The following LRMDA variants were observed in gnomAD, a reference collection of about 807,000 sequenced individuals.
LRMDA encodes the protein leucine-rich melanocyte differentiation-associated protein.
In LRMDA, 18 loss-of-function variants were observed where a neutral mutation model predicts 29.8. That is an observed-to-expected ratio of 0.60 (90% CI 0.42 to 0.90). The LOEUF is 0.90. LRMDA is among the 40% of genes least tolerant of loss of function. The probability of loss-of-function intolerance (pLI) is 0.00; values close to 1 mark genes in which losing one functional copy is unlikely to be tolerated. For synonymous variants in LRMDA, 125 were observed against 109.4 expected (o/e 1.14, Z -0.89); for missense variants, 273 against 273.9 (o/e 1.00, Z 0.02).
chr10:76,020,076 AGT>A lies in LRMDA; in HGVS notation c.132-15929_132-15928del, dbSNP rs1482228126. On this transcript the variant is annotated intron_variant, in intron 2 of 6. Transcript: ENST00000611255. ...GAGTTCAGCCCACTGACCCCTGAGT[AGT>A]GTTTTCCTGGATGCTGCATCAAACA... 3.9e-5 allele frequency among the ~76,000 whole-genome samples: 6 copies of A among 152,308 alleles called. No individual in the cohort carries two copies. The East Asian group carries it at 7.7e-4, about 20-fold the overall frequency.
At chr10:75,577,234 G>A (rs946887836) in intron 2 of LRMDA, among the ~76,000 whole-genome samples, 4 of 152,164 alleles carry the variant, frequency 2.6e-5, no homozygotes, top group East Asian at 1.9e-4. Flanking sequence ...CGAGAACTTC[G>A]TGAAGCATAC....
chr10:76,229,006 A>G (rs896970379), intron 5 of LRMDA, among the ~76,000 whole-genome samples: 1 of 152,228 alleles, frequency 6.6e-6, no homozygotes, highest in East Asian at 1.9e-4. Flanking sequence ...AATTTTTCTC[A>G]CTGATACAGT....
At chr10:76,476,735 G>T (rs534892407) in intron 6 of LRMDA, among the ~76,000 whole-genome samples, 2 of 152,188 alleles carry the variant, frequency 1.3e-5, no homozygotes, top group East Asian at 1.9e-4. Flanking sequence ...GGGATGCAAG[G>T]CTGGTTCAAC....
intron 2 of LRMDA, among the ~76,000 whole-genome samples, chr10:75,573,036 G>T (rs1360137378): frequency 6.6e-6 from 1 of 152,194 alleles, no homozygotes; most frequent in Non-Finnish European, 1.5e-5. Flanking sequence ...TGGACTTCTA[G>T]CTTCCAGAAC....
At chr10:76,515,769 G>A (rs1016854409) in intron 6 of LRMDA, among the ~76,000 whole-genome samples, 1 of 152,146 alleles carries the variant, frequency 6.6e-6, no homozygotes, top group Non-Finnish European at 1.5e-5. Context: ...CTCCCAAAGT[G>A]TTGGGATTTC....
intron 5 of LRMDA, among the ~76,000 whole-genome samples, chr10:76,251,796 G>C (rs937588583): frequency 3.3e-5 from 5 of 152,338 alleles, no homozygotes; most frequent in African/African-American, 1.2e-4. Flanking sequence ...GTTAAGGCAA[G>C]GGTAACAAGA....
intron 5 of LRMDA, among the ~76,000 whole-genome samples, chr10:76,228,627 C>CA (rs1053883635): frequency 2.0e-5 from 3 of 152,110 alleles, no homozygotes; most frequent in Non-Finnish European, 4.4e-5. Context: ...GGTGGGGCCA[C>CA]AGGAGTGGGG....
intron 5 of LRMDA, among the ~76,000 whole-genome samples, chr10:76,214,146 AT>A (rs928824973): frequency 2.7e-4 from 41 of 152,156 alleles, no homozygotes; most frequent in African/African-American, 9.6e-4. Flanking sequence ...ACAGCATAAT[AT>A]AGCACAAAAG....
At chr10:76,019,724 A>G (rs1178048393) in intron 2 of LRMDA, among the ~76,000 whole-genome samples, 3 of 152,134 alleles carry the variant, frequency 2.0e-5, no homozygotes, top group Non-Finnish European at 2.9e-5. Flanking sequence ...TGTTGTGTCT[A>G]TAATTGGTGC....
chr10:76,519,701 T>C (rs1843099544), intron 6 of LRMDA, among the ~76,000 whole-genome samples: 1 of 152,176 alleles, frequency 6.6e-6, no homozygotes, highest in Non-Finnish European at 1.5e-5. Context: ...CGTACTACCA[T>C]TTTAAAAAAT....
chr10:75,465,878 A>T (rs140542192), intron 2 of LRMDA, among the ~76,000 whole-genome samples: 20 of 152,362 alleles, frequency 1.3e-4, no homozygotes, highest in African/African-American at 4.6e-4. Flanking sequence ...TTAATGAAAT[A>T]CTACTTTGGA....
At chr10:76,390,747 T>C (rs1467338561) in intron 6 of LRMDA, among the ~76,000 whole-genome samples, 3 of 152,144 alleles carry the variant, frequency 2.0e-5, no homozygotes, top group Non-Finnish European at 2.9e-5. Flanking sequence ...AACCTTGGAC[T>C]CTGCTCCAGC....
At chr10:76,143,973 G>C (rs553451757) in intron 5 of LRMDA, among the ~76,000 whole-genome samples, 16 of 152,166 alleles carry the variant, frequency 1.1e-4, no homozygotes, top group African/African-American at 3.4e-4. Flanking sequence ...GCTTGTTTTT[G>C]TCAGGTTTGT....
chr10:76,514,579 T>C (rs1843041039), intron 6 of LRMDA, among the ~76,000 whole-genome samples: 1 of 152,110 alleles, frequency 6.6e-6, no homozygotes, highest in Non-Finnish European at 1.5e-5. Context: ...TTATTGTGCT[T>C]AGGGAGTAGT....
At chr10:75,659,359 C>T (rs922106565) in intron 2 of LRMDA, among the ~76,000 whole-genome samples, 3 of 152,140 alleles carry the variant, frequency 2.0e-5, no homozygotes, top group Non-Finnish European at 4.4e-5. Context: ...TCCCTTTCCT[C>T]TCTTTTTTTT....
At chr10:75,468,812 C>T (rs1454258123) in intron 2 of LRMDA, among the ~76,000 whole-genome samples, 1 of 152,026 alleles carries the variant, frequency 6.6e-6, no homozygotes, top group African/African-American at 2.4e-5. Context: ...AGCCTGTGGC[C>T]TCTCTTGCAC....
At chr10:76,319,394 G>A (rs896252953) in intron 5 of LRMDA, among the ~76,000 whole-genome samples, 5 of 152,190 alleles carry the variant, frequency 3.3e-5, no homozygotes, top group Admixed American at 2.0e-4. Flanking sequence ...GAGTAAGGGC[G>A]TAACTACTGT....
At chr10:76,418,390 T>G (rs901109729) in intron 6 of LRMDA, among the ~76,000 whole-genome samples, 1 of 151,832 alleles carries the variant, frequency 6.6e-6, no homozygotes, top group Non-Finnish European at 1.5e-5. Context: ...CATATTTCAT[T>G]ATATTTATAT....
chr10:75,465,481 C>T (rs533759733), intron 2 of LRMDA, among the ~76,000 whole-genome samples: 3 of 152,184 alleles, frequency 2.0e-5, no homozygotes, highest in Non-Finnish European at 4.4e-5. Context: ...GACCATTTTA[C>T]GTGCCCTCTC....
Sources: gnomAD v4.1 joint callset for allele counts (sites outside exome capture counted in the v4.1 genomes callset) on GRCh38, gnomAD v4.1.1 for gene constraint, MANE v1.5 for transcripts, NCBI Gene and HGNC (gene_info 2026-07-23, HGNC 2026-07-21) for gene names.